The following TRPM3 variants were observed in gnomAD, a reference collection of about 807,000 sequenced individuals.
TRPM3 encodes transient receptor potential cation channel subfamily M member 3.
A neutral mutation model predicts 181.2 loss-of-function variants in TRPM3; 77 were observed. The observed-to-expected ratio is 0.42, with a 90% CI of 0.35 to 0.51. The LOEUF (loss-of-function observed/expected upper bound fraction) is 0.51. TRPM3 is among the 20% of genes least tolerant of loss of function. The pLI, the probability that TRPM3 is intolerant of heterozygous loss-of-function variation, is 0.01. For synonymous variants in TRPM3, 745 were observed against 796.4 expected (o/e 0.94, Z 1.09); for missense variants, 1,759 against 2,196.7 (o/e 0.80, Z 3.98).
chr9:70,997,506 CT>C (rs908956531), intron 1 of TRPM3, among the ~76,000 whole-genome samples: 1 of 151,946 alleles, frequency 6.6e-6, no homozygotes, highest in Admixed American at 6.6e-5. Context: ...TATCTTAATA[CT>C]TTTTTTTGGT....
At chr9:71,213,261 A>T (rs548412264) in intron 1 of TRPM3, among the ~76,000 whole-genome samples, 1 of 152,254 alleles carries the variant, frequency 6.6e-6, no homozygotes, top group Non-Finnish European at 1.5e-5. Flanking sequence ...TGTCATTTTC[A>T]TGTGTTATTA....
chr9:70,959,155 A>G (rs1324769094), intron 1 of TRPM3, among the ~76,000 whole-genome samples: 1 of 151,970 alleles, frequency 6.6e-6, no homozygotes, highest in African/African-American at 2.4e-5. Context: ...AAGTATAATA[A>G]TAATAAAAAA....
intron 1 of TRPM3, among the ~76,000 whole-genome samples, chr9:71,312,860 C>T (rs1037229711): frequency 5.3e-5 from 8 of 151,926 alleles, no homozygotes; most frequent in Non-Finnish European, 1.0e-4. Context: ...ACTATGGAGA[C>T]AGTAAAACAT....
chr9:70,668,686 A>AAAAAAAAAAAAAAAAAAT (rs2062301063), intron 9 of TRPM3, among the ~76,000 whole-genome samples: 1 of 150,312 alleles, frequency 6.7e-6, no homozygotes, highest in Admixed American at 6.6e-5. Context: ...AAAAAAAAAA[A>AAAAAAAAAAAAAAAAAAT]AAAAAAAAAA....
intron 1 of TRPM3, among the ~76,000 whole-genome samples, chr9:71,042,631 T>C (rs1259744216): frequency 6.6e-6 from 1 of 152,168 alleles, no homozygotes; most frequent in African/African-American, 2.4e-5. Context: ...AATATTTACA[T>C]GTAAAAGAAG....
chr9:70,773,086 A>T (rs182852182), intron 7 of TRPM3, among the ~76,000 whole-genome samples: 25 of 152,240 alleles, frequency 1.6e-4, no homozygotes, highest in African/African-American at 5.5e-4. Flanking sequence ...ACACTTACTC[A>T]CAGGAGAAGT....
At chr9:71,250,596 G>C (rs1248265244) in intron 1 of TRPM3, among the ~76,000 whole-genome samples, 2 of 152,148 alleles carry the variant, frequency 1.3e-5, no homozygotes. Flanking sequence ...AGACATTAAT[G>C]AGCAAAATAG....
At chr9:71,247,592 A>C (rs2082108180) in intron 1 of TRPM3, among the ~76,000 whole-genome samples, 1 of 151,826 alleles carries the variant, frequency 6.6e-6, no homozygotes, top group Non-Finnish European at 1.5e-5. Flanking sequence ...TTCCATCCTC[A>C]GAAATAGAAG....
At chr9:70,891,937 CCA>C (rs1032276109) in intron 1 of TRPM3, among the ~76,000 whole-genome samples, 27 of 152,208 alleles carry the variant, frequency 1.8e-4, no homozygotes, top group Admixed American at 1.7e-3. Context: ...TTACCATATC[CCA>C]GAGTTTCATT....
chr9:70,787,763 C>CTTTTTTTTTTTTTTTTTTTTTCTTTT (rs2084071076), intron 6 of TRPM3, among the ~76,000 whole-genome samples: 3 of 68,554 alleles, frequency 4.4e-5, no homozygotes, highest in African/African-American at 5.8e-5. Context: ...TTTTTGGATT[C>CTTTTTTTTTTTTTTTTTTTTTCTTTT]TTTTTTTTTT....
intron 9 of TRPM3, among the ~76,000 whole-genome samples, chr9:70,664,524 T>G (rs534786275): frequency 1.2e-4 from 19 of 152,294 alleles, no homozygotes; most frequent in Admixed American, 3.3e-4. Context: ...AAGAATGTGA[T>G]TGCTTTGATG....
chr9:70,764,682 T>G (rs2078764809), intron 7 of TRPM3, among the ~76,000 whole-genome samples: 1 of 152,198 alleles, frequency 6.6e-6, no homozygotes, highest in Non-Finnish European at 1.5e-5. Flanking sequence ...AAGGATTCTC[T>G]AAGGTGTTTT....
chr9:71,120,268 T>C (rs2073328284), intron 1 of TRPM3, among the ~76,000 whole-genome samples: 1 of 152,216 alleles, frequency 6.6e-6, no homozygotes, highest in South Asian at 2.1e-4. Flanking sequence ...TAACTTCGAA[T>C]GGATATAGAA....
At chr9:71,080,709 A>C (rs984804773) in intron 1 of TRPM3, among the ~76,000 whole-genome samples, 3 of 152,166 alleles carry the variant, frequency 2.0e-5, no homozygotes, top group African/African-American at 7.2e-5. Flanking sequence ...CTCAGCTAGT[A>C]AGTATTCCCA....
At chr9:70,642,861 T>C (rs2058271878) in intron 9 of TRPM3, among the ~76,000 whole-genome samples, 1 of 152,192 alleles carries the variant, frequency 6.6e-6, no homozygotes, top group Non-Finnish European at 1.5e-5. Context: ...TCAGTAGCTC[T>C]TGGGTGGAGC....
intron 1 of TRPM3, among the ~76,000 whole-genome samples, chr9:71,319,925 T>C (rs573961140): frequency 6.6e-6 from 1 of 152,264 alleles, no homozygotes; most frequent in Admixed American, 6.5e-5. Context: ...AATTCTAATA[T>C]AAGAAGACTT....
intron 6 of TRPM3, chr9:70,793,562 C>T (rs766039590): frequency 4.3e-6 from 2 of 467,404 alleles, no homozygotes; most frequent in African/African-American, 2.0e-5. Flanking sequence ...CATATATATA[C>T]CCCTTTATGT....
rs1277856556 is a variant in TRPM3 at position 71,096,593 on chromosome 9, C to CTT, written c.177+24584_177+24585insAA. 6.5e-3 allele frequency among the ~76,000 whole-genome samples: 653 copies of CTT among 100,124 alleles called. 5 individuals are homozygous for CTT. The East Asian group carries it at 0.096, about 15-fold the overall frequency. 65.7% of individuals were successfully genotyped at this position (100,124 alleles called of 152,430 possible). A position where few individuals can be genotyped will look rare whatever the true frequency, so the allele number is the denominator to read the frequency against. On this transcript the variant is annotated intron_variant, in intron 1 of 25. Transcript: ENST00000677713. ...ACACACACACACACACACACACACTCTCTCTCTCTCTCTCTCTCTCTCTCT... is the reference window on the plus strand; with the variant it reads ...ACACACACACACACACACACACACTCTTTCTCTCTCTCTCTCTCTCTCTCTCT...
At chr9:71,098,857 A>G (rs2134016863) in intron 1 of TRPM3, among the ~76,000 whole-genome samples, 1 of 152,240 alleles carries the variant, frequency 6.6e-6, no homozygotes, top group Admixed American at 6.5e-5. Context: ...CATTTTGCAA[A>G]TGTCACTACA....
Sources: allele counts gnomAD v4.1 joint callset (sites outside exome capture counted in the v4.1 genomes callset), GRCh38; gene constraint gnomAD v4.1.1; transcripts MANE v1.5; gene names NCBI Gene and HGNC (gene_info 2026-07-23, HGNC 2026-07-21).